The following CACNA1E variants were observed in gnomAD, a reference collection of about 807,000 sequenced individuals.
The protein encoded by CACNA1E is voltage-dependent R-type calcium channel subunit alpha-1E.
A neutral mutation model predicts 259.2 loss-of-function variants in CACNA1E; 40 were observed. That is an observed-to-expected ratio of 0.15 (90% confidence interval 0.12 to 0.20). The LOEUF (loss-of-function observed/expected upper bound fraction) is 0.20, where lower values mean the gene tolerates loss of function less well. Among genes scored for constraint, CACNA1E ranks in the 10% least tolerant of loss-of-function variants. The pLI, the probability that CACNA1E is intolerant of heterozygous loss-of-function variation, is 1.00. For missense variants in CACNA1E, 1,874 were observed against 3,040.1 expected, an observed-to-expected ratio of 0.62 and a Z score of 9.02; for synonymous variants, 1,104 against 1,138.5, an observed-to-expected ratio of 0.97 and a Z score of 0.61.
chr1:181,630,763 G>A (rs1656651894), intron 6 of CACNA1E, among the ~76,000 whole-genome samples: 2 of 152,238 alleles, frequency 1.3e-5, no homozygotes, highest in Middle Eastern at 3.4e-3. Context: ...TTTAGAGTGG[G>A]GGATAGGGCC....
intron 32 of CACNA1E, among the ~76,000 whole-genome samples, chr1:181,760,186 A>C (rs1156874978): frequency 6.6e-6 from 1 of 152,104 alleles, no homozygotes; most frequent in East Asian, 1.9e-4. Flanking sequence ...TATGTGTCTA[A>C]TTATGGTGAG....
intron 1 of CACNA1E, among the ~76,000 whole-genome samples, chr1:181,373,686 T>C (rs2490803): frequency 0.19 from 29,412 of 151,754 alleles, 3,091 homozygotes; most frequent in African/African-American, 0.29. Context: ...TACAGGCGCC[T>C]GCCACTACGC....
chr1:181,526,412 AT>A (rs10605662), intron 3 of CACNA1E, among the ~76,000 whole-genome samples: 49,619 of 142,850 alleles, frequency 0.35, 8,878 homozygotes, highest in African/African-American at 0.47. Context: ...CATGGTCTGA[AT>A]TTTTTTTTTT....
chr1:181,364,951 G>A (rs1654159355), intron 1 of CACNA1E, among the ~76,000 whole-genome samples: 1 of 152,144 alleles, frequency 6.6e-6, no homozygotes, highest in Non-Finnish European at 1.5e-5. Flanking sequence ...TGGTTTCCTG[G>A]CCTTTCCTCT....
intron 25 of CACNA1E, among the ~76,000 whole-genome samples, chr1:181,743,458 C>T (rs1298888906): frequency 1.3e-5 from 2 of 152,226 alleles, no homozygotes; most frequent in African/African-American, 4.8e-5. Flanking sequence ...TTCTGGGGAT[C>T]TGCACATGAG....
chr1:181,390,494 A>G (rs1327653572), intron 1 of CACNA1E, among the ~76,000 whole-genome samples: 1 of 152,106 alleles, frequency 6.6e-6, no homozygotes, highest in East Asian at 1.9e-4. Flanking sequence ...CATGGGCTGG[A>G]CAGAGAAGAA....
chr1:181,719,258 A>G (rs888163965), intron 12 of CACNA1E, among the ~76,000 whole-genome samples: 1 of 152,252 alleles, frequency 6.6e-6, no homozygotes, highest in Non-Finnish European at 1.5e-5. Flanking sequence ...ATCTTGCAGC[A>G]ATCAGATCCT....
intron 2 of CACNA1E, among the ~76,000 whole-genome samples, chr1:181,441,040 T>G: frequency 7.8e-6 from 1 of 127,874 alleles, no homozygotes; most frequent in African/African-American, 2.9e-5. Context: ...CTTCCCAAAG[T>G]CTGGAAAAGC....
intron 2 of CACNA1E, among the ~76,000 whole-genome samples, chr1:181,427,061 CCCCTTCCTTACTCAAT>C (rs1393770651): frequency 6.6e-6 from 1 of 151,088 alleles, no homozygotes; most frequent in African/African-American, 2.4e-5. Flanking sequence ...CACAACTCAA[CCCCTTCCTTACTCAAT>C]CCCTTCCTAT....
At chr1:181,727,633 G>A (rs1437361198) in intron 18 of CACNA1E, among the ~76,000 whole-genome samples, 2 of 152,156 alleles carry the variant, frequency 1.3e-5, no homozygotes, top group Admixed American at 1.3e-4. Flanking sequence ...GTCTCTGCGT[G>A]GTGACACAGA....
chr1:181,479,975 AT>A (rs1179092481), upstream of CACNA1E, among the ~76,000 whole-genome samples: 3 of 152,184 alleles, frequency 2.0e-5, no homozygotes, highest in African/African-American at 7.2e-5. Context: ...TATTAAACAC[AT>A]GTATTATTCA....
intron 6 of CACNA1E, among the ~76,000 whole-genome samples, chr1:181,598,878 T>C (rs186490571): frequency 2.0e-5 from 3 of 151,904 alleles, no homozygotes; most frequent in Non-Finnish European, 2.9e-5. Context: ...CCATGACTGC[T>C]AGCCGTCTAG....
chr1:181,408,362 G>A (rs1041002249), intron 1 of CACNA1E, among the ~76,000 whole-genome samples: 2 of 152,136 alleles, frequency 1.3e-5, no homozygotes, highest in African/African-American at 4.8e-5. Flanking sequence ...ATAAGCCAAA[G>A]GGGTGCATGG....
At chr1:181,359,208 C>T (rs1318601985) in intron 1 of CACNA1E, among the ~76,000 whole-genome samples, 1 of 152,032 alleles carries the variant, frequency 6.6e-6, no homozygotes, top group African/African-American at 2.4e-5. Flanking sequence ...TGTCCTTTAG[C>T]TGGGGGAGGG....
chr1:181,615,506 C>T (rs975916368), intron 6 of CACNA1E, among the ~76,000 whole-genome samples: 5 of 152,096 alleles, frequency 3.3e-5, no homozygotes, highest in African/African-American at 1.2e-4. Flanking sequence ...TTTTATTAAA[C>T]TCATTTTGAT....
At chr1:181,364,795 G>A (rs1215866861) in intron 1 of CACNA1E, among the ~76,000 whole-genome samples, 1 of 152,174 alleles carries the variant, frequency 6.6e-6, no homozygotes, top group Non-Finnish European at 1.5e-5. Flanking sequence ...TGTGGGAGGA[G>A]AAAGTAGTTG....
At chr1:181,619,731 G>A (rs968396881) in intron 6 of CACNA1E, among the ~76,000 whole-genome samples, 3 of 152,150 alleles carry the variant, frequency 2.0e-5, no homozygotes, top group Admixed American at 1.3e-4. Context: ...AGGAAGGAAA[G>A]GCTGATGGAT....
intron 6 of CACNA1E, among the ~76,000 whole-genome samples, chr1:181,612,595 G>A (rs1486572507): frequency 6.6e-6 from 1 of 152,160 alleles, no homozygotes. Context: ...TGGCCTGTAG[G>A]CAATAGTCCT....
At position 181,366,116 on chromosome 1, in the gene CACNA1E, G is replaced by A. The variant is rs1571677096; in HGVS notation, c.-14-47017G>A. The stretch of plus-strand genomic sequence containing the variant: ...CTGGGCCTGGGGCCTCCAGAGAACA[G>A]GACTCCCCTTGGGGACCTGGTTCTC... On this transcript the variant is annotated intron_variant, in intron 1 of 11. Transcript: ENST00000524607. Among the ~76,000 whole-genome samples, 3 of 152,304 alleles carry A rather than the reference G, an allele frequency of 2.0e-5. No individual in the cohort carries two copies. The South Asian group carries it at 6.2e-4, about 32-fold the overall frequency.
Sources: gnomAD v4.1 joint callset for allele counts (sites outside exome capture counted in the v4.1 genomes callset) on GRCh38, gnomAD v4.1.1 for gene constraint, MANE v1.5 for transcripts, NCBI Gene and HGNC (gene_info 2026-07-23, HGNC 2026-07-21) for gene names.